Variants in PCSK5 observed in about 807,000 individuals in gnomAD.
The protein encoded by PCSK5 is prohormone convertase 5.
A neutral mutation model predicts 233.2 loss-of-function variants in PCSK5; 129 were observed. The observed-to-expected ratio is 0.55, with a 90% CI of 0.48 to 0.64. The LOEUF is 0.64. Among genes scored for constraint, PCSK5 ranks in the 30% least tolerant of loss-of-function variants. The pLI, the probability that PCSK5 is intolerant of heterozygous loss-of-function variation, is 0.00. For missense variants in PCSK5, 2,076 were observed against 2,430.1 expected, an observed-to-expected ratio of 0.85 and a Z score of 3.06; for synonymous variants, 825 against 879.2, an observed-to-expected ratio of 0.94 and a Z score of 1.09.
At chr9:76,263,623 T>A (rs1245202375) in intron 24 of PCSK5, among the ~76,000 whole-genome samples, 2 of 149,638 alleles carry the variant, frequency 1.3e-5, no homozygotes, top group South Asian at 2.1e-4. Flanking sequence ...CTCTGGGGAC[T>A]GTTGTGGGGT....
chr9:76,355,590 C>T (rs917644752), intron 37 of PCSK5, among the ~76,000 whole-genome samples: 5 of 152,176 alleles, frequency 3.3e-5, no homozygotes, highest in Non-Finnish European at 5.9e-5. Context: ...AAAAGCGATG[C>T]CATATTTGTG....
intron 2 of PCSK5, among the ~76,000 whole-genome samples, chr9:75,983,302 C>A (rs1168088504): frequency 6.6e-6 from 1 of 151,338 alleles, no homozygotes; most frequent in Admixed American, 6.6e-5. Context: ...ATTTTTTTTC[C>A]TCCTATTGCT....
At chr9:76,135,863 T>C (rs544180976) in intron 10 of PCSK5, among the ~76,000 whole-genome samples, 30 of 152,056 alleles carry the variant, frequency 2.0e-4, no homozygotes, top group Non-Finnish European at 1.6e-4. Flanking sequence ...GTTTTACTTA[T>C]TCCTTTTTGG....
intron 7 of PCSK5, among the ~76,000 whole-genome samples, chr9:76,089,548 C>G (rs1425450456): frequency 6.6e-6 from 1 of 152,142 alleles, no homozygotes; most frequent in Non-Finnish European, 1.5e-5. Flanking sequence ...TCTAAATTAA[C>G]TAACAATATG....
At chr9:76,345,327 G>A (rs1478399753) in intron 35 of PCSK5, among the ~76,000 whole-genome samples, 1 of 152,008 alleles carries the variant, frequency 6.6e-6, no homozygotes, top group Non-Finnish European at 1.5e-5. Flanking sequence ...CCGCCTGCCG[G>A]GTTCAAGGGA....
At chr9:76,218,978 C>G (rs1825635194) in intron 20 of PCSK5, among the ~76,000 whole-genome samples, 1 of 152,206 alleles carries the variant, frequency 6.6e-6, no homozygotes. Flanking sequence ...ACAGAGGCAT[C>G]CTGGGTGCCG....
At chr9:76,072,433 C>T (rs190840869) in intron 7 of PCSK5, among the ~76,000 whole-genome samples, 61 of 152,306 alleles carry the variant, frequency 4.0e-4, no homozygotes, top group Middle Eastern at 3.4e-3. Context: ...CCACAAAAAA[C>T]TAACCATATA....
intron 28 of PCSK5, among the ~76,000 whole-genome samples, chr9:76,307,179 C>T (rs913101146): frequency 1.1e-4 from 17 of 151,902 alleles, no homozygotes; most frequent in Non-Finnish European, 1.8e-4. Context: ...AGTTTAATTA[C>T]CGTATCCATG....
At chr9:76,159,365 A>G (rs757570789) in intron 12 of PCSK5, among the ~76,000 whole-genome samples, 194 bp downstream of exon 12, 1 of 152,234 alleles carries the variant, frequency 6.6e-6, no homozygotes, top group African/African-American at 2.4e-5. Context: ...AAAGTGGGGC[A>G]TTTAATAGTT....
chr9:75,919,104 T>A (rs553173419), intron 1 of PCSK5, among the ~76,000 whole-genome samples: 1 of 152,364 alleles, frequency 6.6e-6, no homozygotes, highest in African/African-American at 2.4e-5. Flanking sequence ...TCCTTAGTGC[T>A]GCTATGTGGT....
intron 2 of PCSK5, among the ~76,000 whole-genome samples, chr9:75,977,794 T>G (rs1826093193): frequency 6.6e-6 from 1 of 151,706 alleles, no homozygotes; most frequent in South Asian, 2.1e-4. Context: ...ATATTTTTAG[T>G]AGAGATGGGG....
chr9:76,263,522 G>T (rs192833609), intron 24 of PCSK5, among the ~76,000 whole-genome samples: 2 of 151,528 alleles, frequency 1.3e-5, no homozygotes, highest in Non-Finnish European at 2.9e-5. Flanking sequence ...GTAAACTATC[G>T]CAAGAACAAA....
chr9:76,253,248 C>CTT (rs566786609), intron 24 of PCSK5, among the ~76,000 whole-genome samples: 8 of 144,160 alleles, frequency 5.5e-5, no homozygotes, highest in Admixed American at 7.0e-5. Context: ...TCTTCTTCTT[C>CTT]TTTTTTTTTT....
chr9:76,141,100 G>C (rs1057186049), intron 10 of PCSK5, among the ~76,000 whole-genome samples: 4 of 152,056 alleles, frequency 2.6e-5, no homozygotes, highest in South Asian at 2.1e-4. Context: ...GATATATGTC[G>C]TCAAGCTCTA....
chr9:76,010,601 T>C (rs1430375888), intron 3 of PCSK5, among the ~76,000 whole-genome samples: 1 of 152,216 alleles, frequency 6.6e-6, no homozygotes, highest in East Asian at 1.9e-4. Context: ...TTAACATCTT[T>C]CAACATCTTT....
chr9:76,027,405 CAT>C (rs148876227), intron 5 of PCSK5, among the ~76,000 whole-genome samples: 1,721 of 152,218 alleles, frequency 0.011, 33 homozygotes, highest in African/African-American at 0.039. Flanking sequence ...AAATTCAACA[CAT>C]GATTGAATAC....
At chr9:76,200,667 A>G (rs1027381713) in intron 20 of PCSK5, among the ~76,000 whole-genome samples, 13 of 152,224 alleles carry the variant, frequency 8.5e-5, no homozygotes, top group African/African-American at 3.1e-4. Context: ...AAAGAAGGTT[A>G]TGATGTTTAA....
At chr9:76,001,024 T>A (rs1827238121) in intron 3 of PCSK5, among the ~76,000 whole-genome samples, 1 of 152,102 alleles carries the variant, frequency 6.6e-6, no homozygotes, top group African/African-American at 2.4e-5. Flanking sequence ...TTGAGCAATG[T>A]TTTTTACATA....
chr9:76,303,793 T>G (rs1828692517), intron 28 of PCSK5, among the ~76,000 whole-genome samples: 1 of 152,164 alleles, frequency 6.6e-6, no homozygotes, highest in Non-Finnish European at 1.5e-5. Flanking sequence ...GTGGCCAAGG[T>G]GGCTCTGCAC....
Sources: allele counts gnomAD v4.1 joint callset (sites outside exome capture counted in the v4.1 genomes callset), GRCh38; gene constraint gnomAD v4.1.1; transcripts MANE v1.5; gene names NCBI Gene and HGNC (gene_info 2026-07-23, HGNC 2026-07-21).